The following GRIK2 variants were observed in gnomAD, a reference collection of about 807,000 sequenced individuals.
GRIK2 encodes the protein glutamate receptor ionotropic, kainate 2.
In GRIK2, 32 loss-of-function variants were observed where a neutral mutation model predicts 100.3. The observed-to-expected ratio is 0.32, with a 90% CI of 0.24 to 0.43. GRIK2 has a LOEUF of 0.43. Among genes scored for constraint, GRIK2 ranks in the 20% least tolerant of loss-of-function variants. GRIK2 has a pLI of 1.00. For synonymous variants in GRIK2, 417 were observed against 389.4 expected, an observed-to-expected ratio of 1.07 and a Z score of -0.83; for missense variants, 843 against 1,114.9, an observed-to-expected ratio of 0.76 and a Z score of 3.47.
At chr6:101,794,240 C>T (rs951895667) in intron 7 of GRIK2, among the ~76,000 whole-genome samples, 5 of 152,130 alleles carry the variant, frequency 3.3e-5, no homozygotes, top group Non-Finnish European at 5.9e-5. Context: ...CTGTCTGGCA[C>T]TCCCTAGTGA....
intron 7 of GRIK2, among the ~76,000 whole-genome samples, chr6:101,716,989 C>T: frequency 6.6e-6 from 1 of 151,800 alleles, no homozygotes; most frequent in Non-Finnish European, 1.5e-5. Context: ...GTTGATTGCT[C>T]TCTAATTACA....
chr6:101,762,239 A>G (rs892901675), intron 7 of GRIK2, among the ~76,000 whole-genome samples: 1 of 151,488 alleles, frequency 6.6e-6, no homozygotes. Context: ...GAGTGGCACT[A>G]TCATAACTCA....
intron 14 of GRIK2, among the ~76,000 whole-genome samples, chr6:101,981,493 T>C (rs1793710978): frequency 6.6e-6 from 1 of 151,858 alleles, no homozygotes; most frequent in African/African-American, 2.4e-5. Context: ...TAAACACTAA[T>C]AGTCAAGTTA....
In GRIK2 at chr6:101,487,611, A is replaced by G. The variant is rs1251690398; in HGVS notation, c.115+88219A>G. ...GAAAAACACAGTGCGACTTGCATAT[A>G]CAGTAGTACACAAAATATAATATGA... is the stretch of plus-strand genomic sequence containing the variant. On this transcript the variant is annotated intron_variant, in intron 2 of 16. Transcript: ENST00000369134. Among the ~76,000 whole-genome samples, 4 of 147,164 alleles carry G rather than the reference A, an allele frequency of 2.7e-5. 1 individual carries two copies. The highest frequency in any genetic ancestry group is 6.0e-5 in the Non-Finnish European group (4 of 66,774).
intron 2 of GRIK2, among the ~76,000 whole-genome samples, chr6:101,446,949 G>C (rs191572219): frequency 0.01 from 1,432 of 142,406 alleles, 10 homozygotes; most frequent in African/African-American, 0.032. Context: ...TATTTTATGT[G>C]TGTATATATG....
chr6:101,448,770 A>G (rs1305489776), intron 2 of GRIK2, among the ~76,000 whole-genome samples: 1 of 151,608 alleles, frequency 6.6e-6, no homozygotes, highest in African/African-American at 2.4e-5. Flanking sequence ...AGAAACACAC[A>G]TCAATTTAAA....
At chr6:101,687,932 G>A (rs998901954) in intron 7 of GRIK2, among the ~76,000 whole-genome samples, 9 of 150,688 alleles carry the variant, frequency 6.0e-5, no homozygotes, top group African/African-American at 2.2e-4. Flanking sequence ...AATTATAAAT[G>A]TTATATTTTA....
rs557178913 is a variant in GRIK2, at chr6:102,035,387, G to A, written c.2132G>A (p.Ser711Asn). 31 of 1,608,084 alleles carry A rather than the reference G, an allele frequency of 1.9e-5. No homozygotes were observed. In the African/African-American group the frequency reaches 2.3e-4, roughly 12 times the overall value. Residue 711 changes from serine to asparagine, a missense_variant, in exon 15 of 17, where the codon AGC becomes AAC. Around this residue, in one of 3 missense-constraint regions of GRIK2, gnomAD observed 237 missense variants for 388.0 expected, o/e 0.61. Coordinates refer to ENST00000369134, the MANE Select transcript of GRIK2 (RefSeq NM_021956.5). Reference protein sequence around the residue: ...TYDKMWAFMSSRRQSVLVKSN... With the variant: ...TYDKMWAFMSNRRQSVLVKSN... ...GACAAAATGTGGGCCTTTATGAGTA[G>A]CAGAAGGCAGTCAGTGCTGGTCAAA...
At chr6:101,806,951 T>A (rs1781043672) in intron 9 of GRIK2, among the ~76,000 whole-genome samples, 1 of 151,820 alleles carries the variant, frequency 6.6e-6, no homozygotes, top group Non-Finnish European at 1.5e-5. Context: ...GGAAAATATA[T>A]GCTCCCTTTT....
rs560022292 is a variant in GRIK2, at chr6:101,473,624, T to C, written c.115+74232T>C. On this transcript the variant is annotated intron_variant, in intron 2 of 16. Transcript: ENST00000369134. ...TCTTATATATTATTTTTCCCACTTC[T>C]GAGATAGCTTGTACTTTTTGTTCCA... is the stretch of plus-strand genomic sequence containing the variant. 9.2e-5 allele frequency among the ~76,000 whole-genome samples: 14 copies of C among 151,998 alleles called. No individual in the cohort carries two copies. The South Asian group carries it at 2.3e-3, about 25-fold the overall frequency.
chr6:101,535,426 T>C (rs964070851), intron 2 of GRIK2, among the ~76,000 whole-genome samples: 1 of 151,822 alleles, frequency 6.6e-6, no homozygotes, highest in Non-Finnish European at 1.5e-5. Context: ...CTGTCCATGT[T>C]AGATAACTTT....
At chr6:101,461,240 T>C (rs868756936) in intron 2 of GRIK2, among the ~76,000 whole-genome samples, 7 of 152,196 alleles carry the variant, frequency 4.6e-5, no homozygotes, top group African/African-American at 1.7e-4. Flanking sequence ...TATCTTGCTG[T>C]TCTGTAGGTC....
intron 9 of GRIK2, among the ~76,000 whole-genome samples, chr6:101,802,724 A>G (rs947985715): frequency 6.6e-6 from 1 of 151,902 alleles, no homozygotes; most frequent in African/African-American, 2.4e-5. Context: ...TAATATAGCA[A>G]TTAGAAAATA....
intron 2 of GRIK2, among the ~76,000 whole-genome samples, chr6:101,521,577 T>C (rs1774885451): frequency 6.6e-6 from 1 of 151,936 alleles, no homozygotes; most frequent in African/African-American, 2.4e-5. Flanking sequence ...ATTTAAAAAT[T>C]TGTAAAACAT....
intron 4 of GRIK2, among the ~76,000 whole-genome samples, chr6:101,637,229 T>C (rs1449785321): frequency 6.6e-6 from 1 of 152,142 alleles, no homozygotes; most frequent in African/African-American, 2.4e-5. Context: ...CTGTATGCTG[T>C]AGACTCACCA....
intron 14 of GRIK2, among the ~76,000 whole-genome samples, chr6:101,971,293 C>T (rs62423077): frequency 0.066 from 10,070 of 151,998 alleles, 430 homozygotes; most frequent in Non-Finnish European, 0.1. Flanking sequence ...ATTTCTGCAA[C>T]AGTGATATAT....
chr6:101,556,763 C>T (rs550133489), intron 2 of GRIK2, among the ~76,000 whole-genome samples: 1 of 152,224 alleles, frequency 6.6e-6, no homozygotes, highest in South Asian at 2.1e-4. Flanking sequence ...TGGCCAAGAT[C>T]ACTTAGCTTG....
intron 14 of GRIK2, among the ~76,000 whole-genome samples, chr6:101,938,993 T>C (rs958115093): frequency 5.9e-5 from 9 of 152,086 alleles, no homozygotes; most frequent in African/African-American, 1.9e-4. Context: ...TATTAAGTAT[T>C]GTAATTACAG....
chr6:101,961,703 G>GAACAA (rs1324854479), intron 14 of GRIK2, among the ~76,000 whole-genome samples: 1 of 152,026 alleles, frequency 6.6e-6, no homozygotes, highest in Admixed American at 6.5e-5. Flanking sequence ...TGTTCCAAGG[G>GAACAA]CACTTCGGCA....
Sources: allele counts gnomAD v4.1 joint callset (sites outside exome capture counted in the v4.1 genomes callset), GRCh38; gene constraint gnomAD v4.1.1; regional missense constraint gnomAD v4.1.1; transcripts MANE v1.5; gene names NCBI Gene and HGNC (gene_info 2026-07-23, HGNC 2026-07-21).